ERICH3: variants seen among roughly 807,000 people sequenced by gnomAD.
The protein encoded by ERICH3 is glutamate-rich protein 3.
In ERICH3, 126 loss-of-function variants were observed where a neutral mutation model predicts 131.1. The ratio of observed to expected loss-of-function variants is 0.96; its 90% confidence interval spans 0.83 to 1.11. The LOEUF is 1.11. Among genes scored for constraint, ERICH3 ranks in the 50% most tolerant of loss-of-function variants. The pLI is 0.00. For synonymous variants in ERICH3, 695 were observed against 644.6 expected, an observed-to-expected ratio of 1.08 and a Z score of -1.18; for missense variants, 2,050 against 1,810.7, an observed-to-expected ratio of 1.13 and a Z score of -2.40.
At chr1:74,580,337 T>C (rs1175360589) in intron 12 of ERICH3, among the ~76,000 whole-genome samples, 1 of 152,196 alleles carries the variant, frequency 6.6e-6, no homozygotes, top group East Asian at 1.9e-4. Flanking sequence ...GGTTCATCAA[T>C]GTCTATTGTT....
chr1:74,634,866 C>T (rs893973540), intron 6 of ERICH3: 11 of 514,808 alleles, frequency 2.1e-5, no homozygotes, highest in Middle Eastern at 3.5e-4. Flanking sequence ...CCATATAGGC[C>T]TTATACGATT....
chr1:74,602,702 T>A (rs2100582155), intron 10 of ERICH3, among the ~76,000 whole-genome samples: 1 of 151,982 alleles, frequency 6.6e-6, no homozygotes, highest in South Asian at 2.1e-4. Flanking sequence ...TTATCATAGG[T>A]ATCATGAGTA....
Position 74,673,609 on chromosome 1 carries a change from G to A in ERICH3, c.-90C>T. On this transcript the variant is annotated 5_prime_UTR_variant, in exon 1 of 15. Coordinates refer to ENST00000326665, the MANE Select transcript of ERICH3 (RefSeq NM_001002912.5). ...CGCTGGCGCTGCGACAGTCGCGCTC[G>A]AGGGGTGGCTCCGCACCGAGGTCCC... The A allele has an allele frequency of 2.0e-6, 3 of 1,473,794 alleles. No individual in the cohort carries two copies. The highest frequency in any genetic ancestry group is 1.8e-5 in the Admixed American group (1 of 55,102). 91.3% of individuals were successfully genotyped at this position (1,473,794 alleles called of 1,614,324 possible).
At chr1:74,623,493 T>A (rs1649304434) in intron 7 of ERICH3, 1 of 152,228 alleles carries the variant, frequency 6.6e-6, no homozygotes, top group Admixed American at 6.5e-5. Context: ...CCTGGTGAAT[T>A]CTGGACATCA....
chr1:74,602,717 G>C (rs1282189332), intron 10 of ERICH3, among the ~76,000 whole-genome samples: 1 of 151,700 alleles, frequency 6.6e-6, no homozygotes, highest in Non-Finnish European at 1.5e-5. Context: ...TGAGTATAAA[G>C]TACATCACTC....
At chr1:74,589,461 C>A in intron 12 of ERICH3, 170 bp downstream of exon 12, 3 of 683,028 alleles carry the variant, frequency 4.4e-6, no homozygotes, top group Non-Finnish European at 7.6e-6. Context: ...AGGCAAACAG[C>A]AAACTGAAAA....
At chr1:74,621,453 A>C (rs1649218184) in intron 7 of ERICH3, 1 of 152,192 alleles carries the variant, frequency 6.6e-6, no homozygotes, top group Non-Finnish European at 1.5e-5. Flanking sequence ...GGAGATGCAC[A>C]TGTATGATTT....
chr1:74,610,927 A>G (rs1430120340), intron 9 of ERICH3, among the ~76,000 whole-genome samples: 1 of 152,018 alleles, frequency 6.6e-6, no homozygotes, highest in Non-Finnish European at 1.5e-5. Flanking sequence ...TTTATTTCCA[A>G]GATACTACTC....
intron 2 of ERICH3, among the ~76,000 whole-genome samples, chr1:74,648,008 G>A (rs1646500246): frequency 6.6e-6 from 1 of 152,060 alleles, no homozygotes; most frequent in Non-Finnish European, 1.5e-5. Flanking sequence ...CACCTGCAGG[G>A]CTTGTTGAAA....
chr1:74,658,602 G>GA (rs1316109511), intron 1 of ERICH3, among the ~76,000 whole-genome samples: 6 of 151,778 alleles, frequency 4.0e-5, no homozygotes, highest in Non-Finnish European at 5.9e-5. Flanking sequence ...ATTATACAAA[G>GA]AAAAAAAATA....
intron 7 of ERICH3, chr1:74,623,413 T>C (rs1649300271): frequency 6.6e-6 from 1 of 152,190 alleles, no homozygotes. Context: ...ACACAAACAG[T>C]ATAGTGTCAA....
chr1:74,640,226 T>C (rs533772873), intron 5 of ERICH3, among the ~76,000 whole-genome samples: 1 of 152,304 alleles, frequency 6.6e-6, no homozygotes, highest in African/African-American at 2.4e-5. Context: ...CAGCACTTGA[T>C]TGTTTCTTTT....
chr1:74,572,343 C>A lies in ERICH3; in HGVS notation c.3367G>T (p.Gly1123Ter). Residue 1123 changes from glycine to a stop codon, truncating the protein, a stop_gained, in exon 14 of 15, where the codon GGA becomes TGA. Coordinates refer to ENST00000326665, the MANE Select transcript of ERICH3 (RefSeq NM_001002912.5). LOFTEE classifies it high-confidence loss of function. ...GGTGCTTCGTTCTCAGCATCAGATC[C>A]CATTTCATTTGGGGGAGCTTTTGTC... ...EETKAPPNEM[G>*]SDAENEAPVE... is the part of the protein sequence containing the mutation. 6.2e-7 allele frequency: 1 copy of A among 1,613,714 alleles called. No homozygotes were observed. The highest frequency in any genetic ancestry group is 1.7e-4 in the Middle Eastern group (1 of 6,058).
At chr1:74,634,843 T>C (rs1053914965) in intron 6 of ERICH3, 9 of 588,340 alleles carry the variant, frequency 1.5e-5, no homozygotes, top group Admixed American at 9.7e-5. Context: ...CAAGATGAGA[T>C]GGGTGTATCA....
intron 6 of ERICH3, chr1:74,634,829 T>C: frequency 1.7e-6 from 1 of 594,616 alleles, no homozygotes; most frequent in Non-Finnish European, 3.0e-6. Context: ...GGCTAGCCCA[T>C]TCCCAAGATG....
At chr1:74,657,998 G>A (rs185116767) in intron 1 of ERICH3, among the ~76,000 whole-genome samples, 11 of 152,204 alleles carry the variant, frequency 7.2e-5, no homozygotes, top group East Asian at 3.9e-4. Context: ...CATTTATTGC[G>A]TACTTTCTTA....
At chr1:74,620,027 G>A (rs80072805) in intron 8 of ERICH3, among the ~76,000 whole-genome samples, 18,784 of 152,066 alleles carry the variant, frequency 0.12, 1,372 homozygotes, top group South Asian at 0.26. Flanking sequence ...ATCCAAATAC[G>A]TATATTTCTT....
intron 1 of ERICH3, among the ~76,000 whole-genome samples, chr1:74,667,495 T>C (rs1377455008): frequency 6.6e-6 from 1 of 152,148 alleles, no homozygotes; most frequent in Non-Finnish European, 1.5e-5. Context: ...TAACTAAAGG[T>C]TAGAAGATTA....
chr1:74,623,584 G>C (rs1317286574), intron 7 of ERICH3: 2 of 152,116 alleles, frequency 1.3e-5, no homozygotes, highest in African/African-American at 4.8e-5. Context: ...AAATGGGGGG[G>C]AAAGGGGCAG....
Sources: allele counts gnomAD v4.1 joint callset (sites outside exome capture counted in the v4.1 genomes callset), GRCh38; gene constraint gnomAD v4.1.1; transcripts MANE v1.5; gene names NCBI Gene and HGNC (gene_info 2026-07-23, HGNC 2026-07-21).